Variants in DEFB109B observed in about 807,000 individuals in gnomAD.
The protein encoded by DEFB109B is defensin beta 109B, also known as beta-defensin 109B.
intron 1 of DEFB109B, among the ~76,000 whole-genome samples, chr8:7,315,657 A>G (rs2128806034): frequency 7.7e-6 from 1 of 130,424 alleles, no homozygotes; most frequent in East Asian, 2.1e-4. Flanking sequence ...CATTTGCTTG[A>G]GGTTCACTTG....
In DEFB109B at chr8:7,315,390, T is replaced by A. The variant is rs1473169585; in HGVS notation, n.58+2487T>A. 9.5e-5 allele frequency among the ~76,000 whole-genome samples: 13 copies of A among 136,664 alleles called. 2 individuals carry two copies. The highest frequency in any genetic ancestry group is 3.3e-4 in the African/African-American group (9 of 27,676). The allele number at this position is 136,664 out of a possible 152,430, so 89.7% of individuals were successfully genotyped here. On this transcript the variant is annotated intron_variant and non_coding_transcript_variant, in intron 1 of 1. Transcript: ENST00000382656. ...GGTACATGCCTTTAGTCCCAGCTAC[T>A]CGGGAGGCTGAGGCAGGACAATCAC...
At position 7,315,358 on chromosome 8, in the gene DEFB109B, G is replaced by A. The variant is rs184697510; in HGVS notation, n.58+2455G>A. Among the ~76,000 whole-genome samples the A allele has an allele frequency of 2.2e-5, 3 of 138,284 alleles. No homozygotes were observed. In the East Asian group the frequency reaches 5.8e-4, roughly 27 times the overall value. The allele number at this position is 138,284 out of a possible 152,430, so 90.7% of individuals were successfully genotyped here. A position where few individuals can be genotyped will look rare whatever the true frequency, so the allele number is the denominator to read the frequency against. On this transcript the variant is annotated intron_variant and non_coding_transcript_variant, in intron 1 of 1. Transcript: ENST00000382656. ...CTACTAAATACAAAAAATTAGCCGG[G>A]TGCGGTGGTACATGCCTTTAGTCCC...
chr8:7,319,412 T>C (rs1221599815), intron 1 of DEFB109B: 3 of 144,376 alleles, frequency 2.1e-5, no homozygotes, highest in African/African-American at 8.7e-5. Context: ...ACCAGGGCCC[T>C]CAGTAACCCA....
In DEFB109B at chr8:7,313,667, G is replaced by T. The variant is rs568388252; in HGVS notation, n.58+764G>T. On this transcript the variant is annotated intron_variant and non_coding_transcript_variant, in intron 1 of 1. Transcript: ENST00000382656. ...TACAAAAATGGCTAAAATTTACTGG[G>T]CTAAGCATGCATTTTGGGGGCTTTT... is the stretch of plus-strand genomic sequence containing the variant. Among the ~76,000 whole-genome samples the T allele has an allele frequency of 1.8e-3, 260 of 143,202 alleles. 39 individuals carry two copies. Among genetic ancestry groups the T allele is most frequent in the African/African-American group, 7.5e-3 (249 of 33,306 alleles). 93.9% of individuals were successfully genotyped at this position (143,202 alleles called of 152,430 possible).
At chr8:7,312,167 G>T (rs561026058), upstream of DEFB109B, among the ~76,000 whole-genome samples, 6 of 125,554 alleles carry the variant, frequency 4.8e-5, no homozygotes, top group South Asian at 1.4e-3. Flanking sequence ...TGCTTTAAAA[G>T]AGTTTGGTGT....
At chr8:7,312,353 C>T (rs1425467704), upstream of DEFB109B, among the ~76,000 whole-genome samples, 14 of 138,192 alleles carry the variant, frequency 1.0e-4, no homozygotes, top group Middle Eastern at 3.6e-3. Context: ...ACAACAACAA[C>T]AACCACAACA....
At chr8:7,316,062 T>G (rs983595303) in intron 1 of DEFB109B, among the ~76,000 whole-genome samples, 4 of 27,074 alleles carry the variant, frequency 1.5e-4, no homozygotes, top group Non-Finnish European at 2.5e-4. Context: ...GCCTTTGAAA[T>G]TTTATTTGCT....
At chr8:7,312,327 G>A (rs564917809), upstream of DEFB109B, among the ~76,000 whole-genome samples, 3 of 138,964 alleles carry the variant, frequency 2.2e-5, no homozygotes, top group South Asian at 4.2e-4. Context: ...TAAGAGGGTC[G>A]ATCTTAGGGG....
intron 1 of DEFB109B, among the ~76,000 whole-genome samples, chr8:7,316,772 G>T (rs1802964525): frequency 7.2e-6 from 1 of 139,810 alleles, no homozygotes; most frequent in Admixed American, 6.8e-5. Context: ...GACTACAAGT[G>T]TCCACCACCA....
chr8:7,313,234 G>C (rs1802720812), intron 1 of DEFB109B, among the ~76,000 whole-genome samples: 1 of 144,916 alleles, frequency 6.9e-6, no homozygotes, highest in African/African-American at 2.9e-5. Context: ...TGACCTCAAT[G>C]AGATGCCTTT....
chr8:7,317,371 C>T (rs1349095973), intron 1 of DEFB109B, among the ~76,000 whole-genome samples: 2 of 147,238 alleles, frequency 1.4e-5, no homozygotes, highest in East Asian at 1.9e-4. Flanking sequence ...GGGAAACCCT[C>T]ACCCACCTCC....
At position 7,315,796 on chromosome 8, in the gene DEFB109B, G is replaced by C. The variant is rs200283962; in HGVS notation, n.58+2893G>C. Among the ~76,000 whole-genome samples the C allele has an allele frequency of 3.4e-5, 5 of 145,754 alleles. No homozygotes were observed. In the East Asian group the frequency reaches 7.8e-4, roughly 23 times the overall value. On this transcript the variant is annotated intron_variant and non_coding_transcript_variant, in intron 1 of 1. Coordinates refer to ENST00000382656, the Ensembl canonical transcript of DEFB109B. The stretch of plus-strand genomic sequence containing the variant: ...CATTACTCTGAATTTAAGTTAATTA[G>C]CTTTTTTTAAAGACTTCAGCTCTGT...
intron 1 of DEFB109B, among the ~76,000 whole-genome samples, chr8:7,315,105 C>T (rs1236540969): frequency 1.9e-5 from 1 of 52,840 alleles, no homozygotes; most frequent in Non-Finnish European, 3.2e-5. Flanking sequence ...GAGACCTTTA[C>T]CTTGCTCTGA....
chr8:7,315,299 C>T (rs1802833140), intron 1 of DEFB109B, among the ~76,000 whole-genome samples: 3 of 131,390 alleles, frequency 2.3e-5, no homozygotes, highest in Admixed American at 2.1e-4. Context: ...CGGCAGATCA[C>T]GAGGTCAGTG....
chr8:7,313,738 A>C (rs184393594), intron 1 of DEFB109B, among the ~76,000 whole-genome samples: 2,382 of 139,992 alleles, frequency 0.017, 230 homozygotes, highest in African/African-American at 0.073. Flanking sequence ...TAAAGGGAAA[A>C]TTATAAATAC....
chr8:7,316,822 T>A (rs1476441379), intron 1 of DEFB109B, among the ~76,000 whole-genome samples: 2 of 132,834 alleles, frequency 1.5e-5, no homozygotes, highest in African/African-American at 7.7e-5. Context: ...CATTTTTTTT[T>A]AGTAGAGACA....
chr8:7,319,352 T>G (rs1803165741), intron 1 of DEFB109B: 1 of 145,198 alleles, frequency 6.9e-6, no homozygotes, highest in Non-Finnish European at 1.5e-5. Flanking sequence ...CTTTTTTGGC[T>G]AGAAACAAAA....
At chr8:7,310,590 T>A (rs543222280), upstream of DEFB109B, among the ~76,000 whole-genome samples, 2 of 141,644 alleles carry the variant, frequency 1.4e-5, no homozygotes, top group Non-Finnish European at 2.9e-5. Flanking sequence ...ACTGTGTGTG[T>A]GTGTGTGTGT....
chr8:7,309,768 A>T (rs1282440692), upstream of DEFB109B, among the ~76,000 whole-genome samples: 1 of 133,364 alleles, frequency 7.5e-6, no homozygotes, highest in Non-Finnish European at 1.5e-5. Context: ...GGCAAGAAAG[A>T]TTAAGCAACA....
Sources: allele counts gnomAD v4.1 joint callset (sites outside exome capture counted in the v4.1 genomes callset), GRCh38; gene constraint gnomAD v4.1.1; transcripts MANE v1.5; gene names NCBI Gene and HGNC (gene_info 2026-07-23, HGNC 2026-07-21).